PITPNM2: variants seen among roughly 807,000 people sequenced by gnomAD.
The protein encoded by PITPNM2 is phosphatidylinositol transfer protein membrane associated 2, also known as membrane-associated phosphatidylinositol transfer protein 2.
A neutral mutation model predicts 132.2 loss-of-function variants in PITPNM2; 35 were observed. The ratio of observed to expected loss-of-function variants is 0.26; its 90% confidence interval spans 0.20 to 0.35. The LOEUF (loss-of-function observed/expected upper bound fraction) is 0.35, where lower values mean the gene tolerates loss of function less well. Ranked by LOEUF, PITPNM2 falls within the 10% of genes least tolerant of loss-of-function variation. The probability of loss-of-function intolerance (pLI) is 1.00; values close to 1 mark genes in which losing one functional copy is unlikely to be tolerated. For synonymous variants in PITPNM2, 738 were observed against 799.2 expected, an observed-to-expected ratio of 0.92 and a Z score of 1.29; for missense variants, 1,332 against 1,912.0, an observed-to-expected ratio of 0.70 and a Z score of 5.66.
chr12:123,074,756 C>A (rs911593167), intron 2 of PITPNM2, among the ~76,000 whole-genome samples: 1 of 152,176 alleles, frequency 6.6e-6, no homozygotes, highest in Non-Finnish European at 1.5e-5. Context: ...AAAGCCAGCA[C>A]CCAGAGGCTC....
intron 3 of PITPNM2, among the ~76,000 whole-genome samples, chr12:123,018,057 TTCTC>T (rs1028425783): frequency 2.4e-4 from 31 of 126,706 alleles, no homozygotes; most frequent in African/African-American, 4.6e-4. Context: ...CCTCCCTCTT[TTCTC>T]TCTCTCTCTC....
Position 122,994,937 on chromosome 12 carries a change from A to G in PITPNM2, c.2097T>C (p.His699=). Residue 699 remains histidine, a synonymous_variant, in exon 15 of 26, where the codon CAT becomes CAC. Transcript: ENST00000320201. This position sits in a 1 kb window ranked among gnomAD's most constrained non-coding sequence, Gnocchi z 5.4. ...SVLRTEPCSR[H]SSSSTMLDGT... is the part of the protein sequence containing the mutation. ...CATCCAGCATGGTGGAGCTGCTGGA[A>G]TGGCGTGAGCAGGGCTCAGTCCTCA... 6.2e-7 allele frequency: 1 copy of G among 1,611,482 alleles called. No individual in the cohort carries two copies. Among genetic ancestry groups the G allele is most frequent in the Non-Finnish European group, 8.5e-7 (1 of 1,179,726 alleles).
chr12:123,066,503 C>A (rs1321012816), intron 2 of PITPNM2, among the ~76,000 whole-genome samples: 1 of 152,142 alleles, frequency 6.6e-6, no homozygotes, highest in East Asian at 1.9e-4. Context: ...TGACCTCACC[C>A]CACAGCTGTT....
At chr12:123,107,052 A>G (rs1185369036) in intron 2 of PITPNM2, among the ~76,000 whole-genome samples, 2 of 152,094 alleles carry the variant, frequency 1.3e-5, no homozygotes, top group Non-Finnish European at 2.9e-5. Context: ...GGATGGGGGT[A>G]CAGCATGGGG....
In PITPNM2 at chr12:122,987,894, G is replaced by A. The variant is rs773715719; in HGVS notation, c.3005C>T (p.Thr1002Met). The change falls in exon 21 of 26, where the codon ACG (threonine) becomes ATG (methionine). Residue 1002 changes from threonine to methionine, a missense_variant. Physicochemically the swap from Thr to Met is moderately conservative, Grantham distance 81. Coordinates refer to ENST00000320201, the MANE Select transcript of PITPNM2 (RefSeq NM_020845.3). ...GGCATCATTGATCCGGTGGTTGGCC[G>A]TCACGTTCTGTGGAGGGAGTGGCAA... is the stretch of plus-strand genomic sequence containing the variant. ...KRTHVKLRNV[T>M]ANHRINDALA... 16 of 1,610,224 alleles carry A rather than the reference G, an allele frequency of 9.9e-6. No individual in the cohort carries two copies. The highest frequency in any genetic ancestry group is 1.6e-4 in the Middle Eastern group (1 of 6,062).
rs2041814196 is a variant in PITPNM2 at position 123,077,108 on chromosome 12, GGGCAGCA to G, written c.-96+33270_-96+33276del. Among the ~76,000 whole-genome samples the G allele has an allele frequency of 6.6e-6, 1 of 152,148 alleles. No individual in the cohort carries two copies. Among genetic ancestry groups the G allele is most frequent in the South Asian group, 2.1e-4 (1 of 4,826 alleles). On this transcript the variant is annotated intron_variant, in intron 2 of 25. Coordinates refer to ENST00000320201, the MANE Select transcript of PITPNM2 (RefSeq NM_020845.3). This position sits in a 1 kb window ranked among gnomAD's most constrained non-coding sequence, Gnocchi z 4.8. ...AAATGATGCAGAATGTTGACCCACT[GGGCAGCA>G]GGCTTGAAATCCTGCCTGACCAAAC... is the stretch of plus-strand genomic sequence containing the variant.
intron 2 of PITPNM2, chr12:123,105,466 C>T (rs1023944553): frequency 6.6e-5 from 10 of 152,160 alleles, no homozygotes; most frequent in African/African-American, 2.4e-4. Context: ...TCTCAGGAAC[C>T]CCTCAGAGAA....
At position 123,043,592 on chromosome 12, in the gene PITPNM2, T is replaced by C. The variant is rs547043584; in HGVS notation, c.-95-8907A>G. On this transcript the variant is annotated intron_variant, in intron 2 of 25. Coordinates refer to ENST00000320201, the MANE Select transcript of PITPNM2 (RefSeq NM_020845.3). ...GGCAACTGCCAAGCCACTGCAGGAG[T>C]TGGTCACCAGATCCCACAGCACAGC... Among the ~76,000 whole-genome samples, 4 of 152,104 alleles carry C rather than the reference T, an allele frequency of 2.6e-5. No individual in the cohort carries two copies. In the East Asian group the frequency reaches 7.7e-4, roughly 29 times the overall value.
At position 122,990,535 on chromosome 12, in the gene PITPNM2, G is replaced by A. The variant is rs367924371; in HGVS notation, c.2569+10C>T. On this transcript the variant is annotated intron_variant, in intron 17 of 25. Transcript: ENST00000320201. The stretch of plus-strand genomic sequence containing the variant: ...CTGAGTGAGGAGGGTGAGGGGCCTG[G>A]TATACTCACTCTGGGCGATGCTGGA... 22 of 1,612,424 alleles carry A rather than the reference G, an allele frequency of 1.4e-5. No individual in the cohort carries two copies. Among genetic ancestry groups the A allele is most frequent in the Non-Finnish European group, 1.8e-5 (21 of 1,179,782 alleles).
chr12:123,101,975 C>G (rs957820097), intron 2 of PITPNM2, among the ~76,000 whole-genome samples: 24 of 152,314 alleles, frequency 1.6e-4, no homozygotes, highest in African/African-American at 5.8e-4. Flanking sequence ...GATTGTACCA[C>G]CGTACTCCAG....
At chr12:123,090,436 T>G (rs2042226438) in intron 2 of PITPNM2, 1 of 152,206 alleles carries the variant, frequency 6.6e-6, no homozygotes. Flanking sequence ...CTCGGCTCAC[T>G]GAAACCTCCA....
chr12:123,148,543 G>C, intron 1 of PITPNM2, among the ~76,000 whole-genome samples: 1 of 152,050 alleles, frequency 6.6e-6, no homozygotes, highest in East Asian at 1.9e-4. Flanking sequence ...TAACTAGATG[G>C]GCTGGTTAGG....
chr12:123,044,585 C>T (rs1165985477), intron 2 of PITPNM2, among the ~76,000 whole-genome samples: 1 of 152,074 alleles, frequency 6.6e-6, no homozygotes, highest in African/African-American at 2.4e-5. Flanking sequence ...GGTGATAAGC[C>T]CTTGTGATGA....
At chr12:123,087,078 A>G (rs189848716) in intron 2 of PITPNM2, among the ~76,000 whole-genome samples, 1 of 152,214 alleles carries the variant, frequency 6.6e-6, no homozygotes, top group Admixed American at 6.5e-5. Context: ...GGCATTCCTC[A>G]GACCCTCAGA....
intron 1 of PITPNM2, among the ~76,000 whole-genome samples, chr12:123,130,422 A>T (rs554808587): frequency 5.9e-5 from 9 of 152,140 alleles, no homozygotes; most frequent in Admixed American, 5.9e-4. Flanking sequence ...GGGCAGGGTC[A>T]TTTGCCCAAG....
chr12:123,115,867 G>C (rs773646211), intron 1 of PITPNM2, among the ~76,000 whole-genome samples: 2 of 152,192 alleles, frequency 1.3e-5, no homozygotes, highest in African/African-American at 2.4e-5. Context: ...CAGCACAAGC[G>C]TGCAGCCTTC....
rs1592938296 is a variant in PITPNM2 at position 123,008,497 on chromosome 12, G to A, written c.643+1353C>T. Among the ~76,000 whole-genome samples the A allele has an allele frequency of 6.6e-6, 1 of 152,300 alleles. No individual in the cohort carries two copies. The highest frequency in any genetic ancestry group is 1.9e-4 in the East Asian group (1 of 5,184). On this transcript the variant is annotated intron_variant, in intron 6 of 25. Transcript: ENST00000320201. This position sits in a 1 kb window ranked among gnomAD's most constrained non-coding sequence, Gnocchi z 4.1. ...GCTCCTCCACTCCTCATATTGCCTG[G>A]GAAGTGAGAACCACCATTCCCATTT...
chr12:123,145,656 C>T (rs571802701), intron 1 of PITPNM2, among the ~76,000 whole-genome samples: 5 of 152,250 alleles, frequency 3.3e-5, no homozygotes, highest in South Asian at 4.2e-4. Context: ...TGTCTGTTAC[C>T]GGAAACCTGC....
rs2038338091 is a variant in PITPNM2, at chr12:122,994,618, G to A, written c.2233+183C>T. Among the ~76,000 whole-genome samples, 3 of 152,144 alleles carry A rather than the reference G, an allele frequency of 2.0e-5. No homozygotes were observed. The highest frequency in any genetic ancestry group is 6.5e-5 in the Admixed American group (1 of 15,282). On this transcript the variant is annotated intron_variant, in intron 15 of 25. Transcript: ENST00000320201. The surrounding 1 kb of genome is among the most constrained non-coding windows in gnomAD (Gnocchi z 5.4). ...AAATGAAACAGCAGGTGTCACGGAC[G>A]GCCAGTGACTGAGCTGCTGAAGCAG... is the stretch of plus-strand genomic sequence containing the variant.
Sources: allele counts gnomAD v4.1 joint callset (sites outside exome capture counted in the v4.1 genomes callset), GRCh38; gene constraint gnomAD v4.1.1; non-coding constraint Gnocchi (gnomAD v3.1); transcripts MANE v1.5; gene names NCBI Gene and HGNC (gene_info 2026-07-23, HGNC 2026-07-21).